FHIT: variants seen among roughly 807,000 people sequenced by gnomAD.
FHIT encodes the protein bis(5'-adenosyl)-triphosphatase.
In FHIT, 19 loss-of-function variants were observed where a neutral mutation model predicts 17.9. The ratio of observed to expected loss-of-function variants is 1.06; its 90% CI spans 0.74 to 1.56. The LOEUF (loss-of-function observed/expected upper bound fraction) is 1.56. Among genes scored for constraint, FHIT ranks in the 40% most tolerant of loss-of-function variants. The probability of loss-of-function intolerance (pLI) is 0.00; values close to 1 mark genes in which losing one functional copy is unlikely to be tolerated. For synonymous variants in FHIT, 81 were observed against 69.7 expected (o/e 1.16, Z -0.81); for missense variants, 248 against 189.2 (o/e 1.31, Z -1.82).
chr3:60,449,991 G>A (rs1196535617), intron 5 of FHIT, among the ~76,000 whole-genome samples: 1 of 104,030 alleles, frequency 9.6e-6, no homozygotes, highest in Non-Finnish European at 1.7e-5. Context: ...GACAGAGCTA[G>A]ACTCTGTCAA....
chr3:60,273,107 C>T (rs980842992), intron 5 of FHIT, among the ~76,000 whole-genome samples: 1 of 152,152 alleles, frequency 6.6e-6, no homozygotes, highest in Non-Finnish European at 1.5e-5. Flanking sequence ...ATAAAGAGAA[C>T]ATCTATGGTG....
chr3:59,882,633 G>C (rs942713097), intron 8 of FHIT, among the ~76,000 whole-genome samples: 1 of 152,140 alleles, frequency 6.6e-6, no homozygotes, highest in Non-Finnish European at 1.5e-5. Flanking sequence ...GTACAGAGGG[G>C]TTAAGAGTTT....
intron 5 of FHIT, among the ~76,000 whole-genome samples, chr3:60,158,111 A>T (rs4679641): frequency 2.6e-5 from 4 of 152,014 alleles, no homozygotes; most frequent in Non-Finnish European, 5.9e-5. Context: ...GATAAGGAAC[A>T]AAAGAAGAAA....
At chr3:60,715,682 T>A (rs2041665491) in intron 4 of FHIT, among the ~76,000 whole-genome samples, 1 of 149,646 alleles carries the variant, frequency 6.7e-6, no homozygotes, top group Non-Finnish European at 1.5e-5. Flanking sequence ...AATGATGAGT[T>A]AATGGGTGCA....
intron 5 of FHIT, among the ~76,000 whole-genome samples, chr3:60,154,259 C>G (rs890281633): frequency 2.6e-5 from 4 of 151,930 alleles, no homozygotes; most frequent in African/African-American, 9.7e-5. Context: ...ATATATGAGT[C>G]AATAAGCATT....
chr3:60,228,027 T>G (rs75619050), intron 5 of FHIT, among the ~76,000 whole-genome samples: 7 of 152,250 alleles, frequency 4.6e-5, no homozygotes, highest in African/African-American at 1.4e-4. Context: ...CCACTTAACT[T>G]TTTCCTCCAA....
intron 5 of FHIT, among the ~76,000 whole-genome samples, chr3:60,467,245 CTCTT>C (rs2032849052): frequency 1.9e-5 from 2 of 106,696 alleles, no homozygotes; most frequent in African/African-American, 6.0e-5. Context: ...TTTGGGTCTT[CTCTT>C]TTTTTCTGAA....
rs531203421 is a variant in FHIT at position 60,168,491 on chromosome 3, A to C, written c.104-154339T>G. ...ATATCTCTCCAGGACTCAAAGAAGA[A>C]TCCCCTCTCCAAATGATCTTGGAGA... On this transcript the variant is annotated intron_variant, in intron 5 of 9. Transcript: ENST00000492590. 3.3e-5 allele frequency among the ~76,000 whole-genome samples: 5 copies of C among 152,310 alleles called. No individual in the cohort carries two copies. The East Asian group carries it at 9.7e-4, about 29-fold the overall frequency.
intron 5 of FHIT, among the ~76,000 whole-genome samples, chr3:60,122,569 T>C (rs4465903): frequency 0.15 from 22,963 of 152,030 alleles, 1,842 homozygotes; most frequent in South Asian, 0.21. Context: ...CTCTAAGAGA[T>C]CATTTTATGG....
intron 5 of FHIT, among the ~76,000 whole-genome samples, chr3:60,339,623 T>A (rs1213047482): frequency 2.0e-5 from 3 of 152,144 alleles, no homozygotes; most frequent in Admixed American, 6.6e-5. Context: ...GAAAGAAGAA[T>A]CCCATCTGCC....
intron 4 of FHIT, among the ~76,000 whole-genome samples, chr3:60,615,760 A>C (rs1275086676): frequency 8.5e-5 from 13 of 152,236 alleles, no homozygotes; most frequent in Non-Finnish European, 5.9e-5. Flanking sequence ...ATTTTGTAGA[A>C]GTCTTATTCA....
chr3:60,828,355 C>A (rs1215099140), intron 3 of FHIT, among the ~76,000 whole-genome samples: 1 of 151,996 alleles, frequency 6.6e-6, no homozygotes, highest in Non-Finnish European at 1.5e-5. Flanking sequence ...ATCCATTATT[C>A]AATTTTCCTT....
intron 5 of FHIT, among the ~76,000 whole-genome samples, chr3:60,056,644 T>C (rs958976585): frequency 6.6e-6 from 1 of 152,256 alleles, no homozygotes; most frequent in Non-Finnish European, 1.5e-5. Context: ...CCGGTCTCCA[T>C]GTCATGCAGA....
chr3:60,759,285 A>T (rs143398478), intron 4 of FHIT, among the ~76,000 whole-genome samples: 6 of 152,284 alleles, frequency 3.9e-5, no homozygotes, highest in African/African-American at 1.4e-4. Context: ...GAAATAGAGA[A>T]CACTTACGCA....
intron 4 of FHIT, among the ~76,000 whole-genome samples, chr3:60,603,199 T>C (rs1364553573): frequency 6.6e-6 from 1 of 152,222 alleles, no homozygotes; most frequent in Non-Finnish European, 1.5e-5. Flanking sequence ...AACTTTTGAA[T>C]GTTTTTATAT....
intron 2 of FHIT, among the ~76,000 whole-genome samples, chr3:61,111,113 G>C (rs2036145972): frequency 6.6e-6 from 1 of 152,156 alleles, no homozygotes; most frequent in South Asian, 2.1e-4. Flanking sequence ...TTAGCATGCT[G>C]TCAAAAGGTT....
At chr3:60,745,351 C>T (rs1466503331) in intron 4 of FHIT, among the ~76,000 whole-genome samples, 13 of 152,110 alleles carry the variant, frequency 8.5e-5, no homozygotes, top group African/African-American at 3.1e-4. Flanking sequence ...GAGCAGTAAA[C>T]ATAAGGACTG....
At chr3:60,242,660 G>A (rs1705192035) in intron 5 of FHIT, among the ~76,000 whole-genome samples, 1 of 151,920 alleles carries the variant, frequency 6.6e-6, no homozygotes, top group Non-Finnish European at 1.5e-5. Context: ...ATTTTTAGCT[G>A]AGCACAGGGA....
Position 60,441,749 on chromosome 3 carries a change from TATATAAAA to T in FHIT, c.103+95103_103+95110del, listed in dbSNP as rs1321246471. Among the ~76,000 whole-genome samples the T allele has an allele frequency of 2.6e-3, 98 of 37,216 alleles. 5 individuals carry two copies. The Middle Eastern group carries it at 0.044, about 17-fold the overall frequency. 24.4% of individuals were successfully genotyped at this position (37,216 alleles called of 152,430 possible). ...TTGTATTTATATATATATATTTATA[TATATAAAA>T]ATATATATATATTTATATGTATAAA... On this transcript the variant is annotated intron_variant, in intron 5 of 9. Coordinates refer to ENST00000492590, the MANE Select transcript of FHIT (RefSeq NM_002012.4).
Sources: allele counts gnomAD v4.1 joint callset (sites outside exome capture counted in the v4.1 genomes callset), GRCh38; gene constraint gnomAD v4.1.1; transcripts MANE v1.5; gene names NCBI Gene and HGNC (gene_info 2026-07-23, HGNC 2026-07-21).